Variants in ESRP1 observed in about 807,000 individuals in gnomAD.
ESRP1 encodes epithelial splicing regulatory protein 1.
ESRP1 carries 33 observed loss-of-function variants against 81.7 expected under a neutral mutation model. That is an observed-to-expected ratio of 0.40 (90% CI 0.31 to 0.54). The LOEUF (loss-of-function observed/expected upper bound fraction) is 0.54. Ranked by LOEUF, ESRP1 falls within the 20% of genes least tolerant of loss-of-function variation. The pLI, the probability that ESRP1 is intolerant of heterozygous loss-of-function variation, is 0.41. For missense variants in ESRP1, 672 were observed against 833.1 expected, an observed-to-expected ratio of 0.81 and a Z score of 2.38; for synonymous variants, 320 against 303.3, an observed-to-expected ratio of 1.06 and a Z score of -0.57.
chr8:94,648,783 G>A (rs1214051348), intron 4 of ESRP1, among the ~76,000 whole-genome samples: 6 of 152,200 alleles, frequency 3.9e-5, no homozygotes, highest in Admixed American at 1.3e-4. Flanking sequence ...TTTTTGTCGT[G>A]AAATACTTGT....
At position 94,706,379 on chromosome 8, in the gene ESRP1, A is replaced by G. The variant is rs1057446055; in HGVS notation, c.*490A>G. 1.9e-5 allele frequency: 3 copies of G among 155,878 alleles called. No individual in the cohort carries two copies. Among genetic ancestry groups the G allele is most frequent in the African/African-American group, 7.2e-5 (3 of 41,562 alleles). 9.7% of individuals were successfully genotyped at this position (155,878 alleles called of 1,614,324 possible). On this transcript the variant is annotated 3_prime_UTR_variant, in exon 16 of 16. Coordinates refer to ENST00000433389, the MANE Select transcript of ESRP1 (RefSeq NM_017697.4). ...TGCCTTCTTGCTAAGTAATTCAAGCATAAGATCTTGGAATAATAAAATCAC... is the reference window on the plus strand; with the variant it reads ...TGCCTTCTTGCTAAGTAATTCAAGCGTAAGATCTTGGAATAATAAAATCAC...
intron 4 of ESRP1, among the ~76,000 whole-genome samples, chr8:94,646,845 C>CA (rs1817881882): frequency 6.6e-6 from 1 of 152,210 alleles, no homozygotes; most frequent in Non-Finnish European, 1.5e-5. Flanking sequence ...ATATTTGATG[C>CA]ATGATATATT....
Position 94,706,010 on chromosome 8 carries a change from C to A in ESRP1, c.*121C>A, listed in dbSNP as rs1810059876. ...CAGGGGAAGTTTGTCTACACTCAGG[C>A]TGCAGTATTTTCAGCAAACTTGATT... On this transcript the variant is annotated 3_prime_UTR_variant, in exon 16 of 16. Coordinates refer to ENST00000433389, the MANE Select transcript of ESRP1 (RefSeq NM_017697.4). The A allele has an allele frequency of 3.5e-6, 5 of 1,448,780 alleles. No homozygotes were observed. The highest frequency in any genetic ancestry group is 4.6e-6 in the Non-Finnish European group (5 of 1,077,984). The allele number at this position is 1,448,780 out of a possible 1,614,324, so 89.7% of individuals were successfully genotyped here.
rs147819379 is a variant in ESRP1, at chr8:94,663,017, T to C, written c.644+462T>C. ...CTGTTCGGTCATCTGTAAAAGAAGG[T>C]TGTATTACTTAGAGCTTGATATTGG... On this transcript the variant is annotated intron_variant, in intron 6 of 15. Transcript: ENST00000433389. 7.4e-3 allele frequency among the ~76,000 whole-genome samples: 1,126 copies of C among 152,280 alleles called. 17 individuals carry two copies. The highest frequency in any genetic ancestry group is 0.025 in the African/African-American group (1,043 of 41,538).
intron 1 of ESRP1, 43 bp from the exon 2 acceptor site, chr8:94,641,913 C>T: frequency 6.2e-7 from 1 of 1,606,202 alleles, no homozygotes; most frequent in Non-Finnish European, 8.5e-7. Context: ...GAAAGAGGCT[C>T]CGAAATTGGG....
Position 94,706,222 on chromosome 8 carries a change from T to C in ESRP1, c.*333T>C. On this transcript the variant is annotated 3_prime_UTR_variant, in exon 16 of 16. Transcript: ENST00000433389. ...TCCAGTTAAAGTGGCATCATAGGTGTTTCCTAAGTTTTAAGTCTTGGATAA... is the reference window on the plus strand; with the variant it reads ...TCCAGTTAAAGTGGCATCATAGGTGCTTCCTAAGTTTTAAGTCTTGGATAA... 2 of 374,742 alleles carry C rather than the reference T, an allele frequency of 5.3e-6. No individual in the cohort carries two copies. Among genetic ancestry groups the C allele is most frequent in the Non-Finnish European group, 9.6e-6 (2 of 208,466 alleles). 23.2% of individuals were successfully genotyped at this position (374,742 alleles called of 1,614,324 possible). A position where few individuals can be genotyped will look rare whatever the true frequency, so the allele number is the denominator to read the frequency against.
At chr8:94,669,246 T>C (rs1257762705) in intron 10 of ESRP1, among the ~76,000 whole-genome samples, 1 of 152,218 alleles carries the variant, frequency 6.6e-6, no homozygotes, top group Non-Finnish European at 1.5e-5. Flanking sequence ...CTTTGTAGCA[T>C]AAATGGTATA....
chr8:94,703,628 G>T (rs988291939), intron 15 of ESRP1, among the ~76,000 whole-genome samples: 1 of 152,170 alleles, frequency 6.6e-6, no homozygotes, highest in African/African-American at 2.4e-5. Flanking sequence ...TGAAGAAGTT[G>T]GTACTCACTG....
At chr8:94,703,663 G>A (rs1294258536) in intron 15 of ESRP1, among the ~76,000 whole-genome samples, 1 of 152,150 alleles carries the variant, frequency 6.6e-6, no homozygotes, top group African/African-American at 2.4e-5. Flanking sequence ...CAGTCCCAGG[G>A]TTGACTGATG....
At chr8:94,641,910 G>T (rs1817617101) in intron 1 of ESRP1, 46 bp from the exon 2 acceptor site, 2 of 1,605,642 alleles carry the variant, frequency 1.2e-6, no homozygotes, top group Non-Finnish European at 1.7e-6. Context: ...GCAGAAAGAG[G>T]CTCCGAAATT....
Position 94,671,398 on chromosome 8 carries a change from A to G in ESRP1, c.1234-55A>G, listed in dbSNP as rs972401214. On this transcript the variant is annotated intron_variant, in intron 10 of 15. Transcript: ENST00000433389. ...CCCAGTGATGCCATTGCTGATCTGCAGAAAGCAGGGGAGTAGCACAGCTCT... is the reference window on the plus strand; with the variant it reads ...CCCAGTGATGCCATTGCTGATCTGCGGAAAGCAGGGGAGTAGCACAGCTCT... 20 of 1,479,274 alleles carry G rather than the reference A, an allele frequency of 1.4e-5. No individual in the cohort carries two copies. The South Asian group carries it at 2.5e-4, about 18-fold the overall frequency. 91.6% of individuals were successfully genotyped at this position (1,479,274 alleles called of 1,614,324 possible). A position where few individuals can be genotyped will look rare whatever the true frequency, so the allele number is the denominator to read the frequency against.
intron 9 of ESRP1, 119 bp downstream of exon 9, chr8:94,665,315 T>C (rs1586203752): frequency 3.0e-6 from 3 of 985,454 alleles, no homozygotes; most frequent in South Asian, 1.6e-5. Flanking sequence ...TAATGGAACA[T>C]GGGAATAGAT....
intron 15 of ESRP1, among the ~76,000 whole-genome samples, chr8:94,705,357 G>A (rs1810029469): frequency 1.3e-5 from 2 of 151,644 alleles, no homozygotes; most frequent in Admixed American, 1.3e-4. Context: ...TAGTAGAGAT[G>A]GGGTTTCACC....
chr8:94,667,299 A>G (rs1298645428), intron 9 of ESRP1, among the ~76,000 whole-genome samples: 2 of 152,074 alleles, frequency 1.3e-5, no homozygotes, highest in Non-Finnish European at 2.9e-5. Context: ...AAAGATATGC[A>G]TTTAAGTATT....
intron 13 of ESRP1, among the ~76,000 whole-genome samples, chr8:94,684,623 T>A (rs12678311): frequency 2.7e-4 from 41 of 152,078 alleles, no homozygotes; most frequent in Middle Eastern, 6.8e-3. Flanking sequence ...GATAATTAGA[T>A]TTTTCTGCAG....
intron 4 of ESRP1, among the ~76,000 whole-genome samples, chr8:94,650,211 T>C (rs1239999639): frequency 6.6e-6 from 1 of 152,236 alleles, no homozygotes; most frequent in African/African-American, 2.4e-5. Context: ...ACCATTGTGG[T>C]ATCAAAATAC....
intron 10 of ESRP1, 48 bp from the exon 11 acceptor site, chr8:94,671,405 A>C: frequency 6.6e-7 from 1 of 1,511,962 alleles, no homozygotes; most frequent in Non-Finnish European, 9.0e-7. Context: ...TGCAGAAAGC[A>C]GGGGAGTAGC....
At chr8:94,660,550 C>T (rs964130500) in intron 4 of ESRP1, among the ~76,000 whole-genome samples, 4 of 151,782 alleles carry the variant, frequency 2.6e-5, no homozygotes, top group Non-Finnish European at 5.9e-5. Context: ...ACCAGCCTGG[C>T]CAACATGGTG....
At chr8:94,670,830 A>G (rs1020397501) in intron 10 of ESRP1, among the ~76,000 whole-genome samples, 2 of 152,116 alleles carry the variant, frequency 1.3e-5, no homozygotes, top group African/African-American at 4.8e-5. Flanking sequence ...AAACTAAACT[A>G]CTATTCATCT....
Sources: gnomAD v4.1 joint callset for allele counts (sites outside exome capture counted in the v4.1 genomes callset) on GRCh38, gnomAD v4.1.1 for gene constraint, MANE v1.5 for transcripts, NCBI Gene and HGNC (gene_info 2026-07-23, HGNC 2026-07-21) for gene names.